NBPF10: variants seen among roughly 807,000 people sequenced by gnomAD.
The protein encoded by NBPF10 is NBPF family member NBPF10.
In NBPF10, 63 loss-of-function variants were observed where a neutral mutation model predicts 77.9. That is an observed-to-expected ratio of 0.81 (90% CI 0.66 to 1.00). NBPF10 has a LOEUF of 1.00. Among genes scored for constraint, NBPF10 ranks in the 50% least tolerant of loss-of-function variants. NBPF10 has a pLI of 0.00. For synonymous variants in NBPF10, 146 were observed against 264.5 expected, an observed-to-expected ratio of 0.55 and a Z score of 4.35; for missense variants, 522 against 679.8, an observed-to-expected ratio of 0.77 and a Z score of 2.58.
At chr1:146,140,796 A>T (rs1365458519) in intron 3 of NBPF10, among the ~76,000 whole-genome samples, 2 of 118,170 alleles carry the variant, frequency 1.7e-5, no homozygotes, top group African/African-American at 2.7e-5. Flanking sequence ...TTTGCTTCCC[A>T]TATCACTGGA....
At chr1:146,134,379 A>G in intron 8 of NBPF10, 114 bp from the exon 9 acceptor site, 2 of 828,024 alleles carry the variant, frequency 2.4e-6, no homozygotes, top group East Asian at 4.9e-5. Context: ...CGTTCAACTG[A>G]AAACTCTCAT....
At chr1:146,076,279 A>AGG (rs1656039001) in intron 77 of NBPF10, among the ~76,000 whole-genome samples, 1 of 11,820 alleles carries the variant, frequency 8.5e-5, no homozygotes, top group Non-Finnish European at 3.0e-4. Context: ...ACACACACAC[A>AGG]CACACACACA....
At chr1:146,067,836 C>G (rs1293422168) in intron 88 of NBPF10, among the ~76,000 whole-genome samples, 167 bp downstream of exon 88, 4 of 151,886 alleles carry the variant, frequency 2.6e-5, no homozygotes, top group Admixed American at 6.6e-5. Context: ...CATTTCATGT[C>G]TAGGCTTCCA....
At chr1:146,067,779 G>A (rs868976576) in intron 88 of NBPF10, among the ~76,000 whole-genome samples, 26 of 151,516 alleles carry the variant, frequency 1.7e-4, no homozygotes, top group Non-Finnish European at 2.5e-4. Flanking sequence ...GGATCAGGGC[G>A]CCACAGGTAT....
intron 88 of NBPF10, among the ~76,000 whole-genome samples, 151 bp downstream of exon 88, chr1:146,067,852 G>A (rs1655329505): frequency 6.6e-6 from 1 of 151,774 alleles, no homozygotes; most frequent in Non-Finnish European, 1.5e-5. Context: ...TTCCAGCTGA[G>A]ACTACAGTTT....
chr1:146,139,334 C>G (rs1244252545), intron 5 of NBPF10, among the ~76,000 whole-genome samples: 3 of 151,460 alleles, frequency 2.0e-5, no homozygotes, highest in African/African-American at 7.3e-5. Context: ...TGGTCTCAAT[C>G]TCCTGACCTC....
chr1:146,142,585 C>A lies in NBPF10; in HGVS notation c.278+65G>T. 4.8e-6 allele frequency: 4 copies of A among 828,714 alleles called. 2 individuals are homozygous for A. The highest frequency in any genetic ancestry group is 4.2e-5 in the Admixed American group (2 of 47,690). 51.3% of individuals were successfully genotyped at this position (828,714 alleles called of 1,614,324 possible). A position where few individuals can be genotyped will look rare whatever the true frequency, so the allele number is the denominator to read the frequency against. On this transcript the variant is annotated intron_variant, in intron 2 of 89. Transcript: ENST00000583866. ...CAGCTTCGTTCTTACTTCTCCCCGC[C>A]GAGCTGCTGTACTTCAGAGATCTAC...
intron 6 of NBPF10, among the ~76,000 whole-genome samples, chr1:146,137,635 C>G (rs1307920181): frequency 2.4e-4 from 31 of 131,694 alleles, no homozygotes; most frequent in African/African-American, 8.1e-4. Context: ...ATGATCTGCC[C>G]GCCTCAGCCT....
At chr1:146,076,238 GACACAC>G (rs1213507335) in intron 77 of NBPF10, among the ~76,000 whole-genome samples, 197 bp from the exon 78 acceptor site, 3 of 5,334 alleles carry the variant, frequency 5.6e-4, no homozygotes, top group East Asian at 6.2e-3. Flanking sequence ...AAGACAGATA[GACACAC>G]ACACACACAC....
exon 89 of NBPF10, chr1:146,067,236 C>G (rs1460314646): frequency 1.8e-6 from 1 of 559,308 alleles, no homozygotes; most frequent in East Asian, 3.1e-5. Context: ...TTCTTCTTTC[C>G]TTCTTTGATC....
chr1:146,067,801 A>T (rs1284403270), intron 88 of NBPF10, among the ~76,000 whole-genome samples: 3 of 151,872 alleles, frequency 2.0e-5, no homozygotes, highest in Non-Finnish European at 2.9e-5. Flanking sequence ...GCCTGAGACT[A>T]GGAAGAGAGT....
intron 12 of NBPF10, among the ~76,000 whole-genome samples, chr1:146,127,298 CT>C (rs1187072125): frequency 1.2e-5 from 1 of 85,154 alleles, no homozygotes; most frequent in Non-Finnish European, 2.3e-5. Context: ...GGAATGTTAT[CT>C]TCCCTATGTG....
intron 6 of NBPF10, among the ~76,000 whole-genome samples, chr1:146,136,862 T>C (rs370810833): frequency 0.084 from 8,685 of 103,982 alleles, no homozygotes; most frequent in African/African-American, 0.2. Context: ...GGACTGATGG[T>C]TTCCCTTTTA....
rs1237173773 is a variant in NBPF10, at chr1:146,129,906, T to G, written c.1638-1624A>C. On this transcript the variant is annotated intron_variant, in intron 11 of 89. Coordinates refer to ENST00000583866, the Ensembl canonical transcript of NBPF10. Reference sequence around the variant, plus strand: ...TTTTTTGTGTGTATGTATATATATATATATATTTTTTAATACTTTAAGTCT... The same window carrying G: ...TTTTTTGTGTGTATGTATATATATAGATATATTTTTTAATACTTTAAGTCT... Among the ~76,000 whole-genome samples the G allele has an allele frequency of 1.9e-5, 2 of 103,414 alleles. 1 individual carries two copies. The highest frequency in any genetic ancestry group is 3.9e-5 in the Non-Finnish European group (2 of 51,122). 67.8% of individuals were successfully genotyped at this position (103,414 alleles called of 152,430 possible).
At chr1:146,067,225 C>A (rs200743139) in exon 89 of NBPF10, 61,887 of 556,434 alleles carry the variant, frequency 0.11, 8,785 homozygotes, top group African/African-American at 0.48. Flanking sequence ...TTTTCTTCCC[C>A]TTCTTCTTTC....
chr1:146,129,366 A>G (rs1659056076), intron 11 of NBPF10, among the ~76,000 whole-genome samples: 1 of 139,682 alleles, frequency 7.2e-6, no homozygotes, highest in Non-Finnish European at 1.5e-5. Context: ...TTCAGTAGCC[A>G]ATTCGATCAA....
chr1:146,126,783 C>T (rs1256142846), intron 13 of NBPF10, among the ~76,000 whole-genome samples: 1 of 131,732 alleles, frequency 7.6e-6, no homozygotes, highest in Non-Finnish European at 1.6e-5. Flanking sequence ...AGTTTCCCGG[C>T]AGTTACCATG....
At position 146,126,159 on chromosome 1, in the gene NBPF10, C is replaced by T. The variant is rs79733473; in HGVS notation, c.2026+77G>A. ...GCAATGACATCTCTCAGCTCAGTAA[C>T]GGCCACTTGCAGTAGGAATATGACC... On this transcript the variant is annotated intron_variant, in intron 14 of 89. Transcript: ENST00000583866. 1.1e-5 allele frequency: 10 copies of T among 911,470 alleles called. 1 individual carries two copies. Among genetic ancestry groups the T allele is most frequent in the African/African-American group, 4.9e-5 (3 of 60,894 alleles). 56.5% of individuals were successfully genotyped at this position (911,470 alleles called of 1,614,324 possible). A position where few individuals can be genotyped will look rare whatever the true frequency, so the allele number is the denominator to read the frequency against.
At chr1:146,134,157 AC>A (rs1659471346) in intron 9 of NBPF10, 35 bp downstream of exon 9, 1 of 1,405,872 alleles carries the variant, frequency 7.1e-7, no homozygotes, top group African/African-American at 2.0e-5. Flanking sequence ...CTCATATGTT[AC>A]CATCCATTAA....
Sources: gnomAD v4.1 joint callset for allele counts (sites outside exome capture counted in the v4.1 genomes callset) on GRCh38, gnomAD v4.1.1 for gene constraint, MANE v1.5 for transcripts, NCBI Gene and HGNC (gene_info 2026-07-23, HGNC 2026-07-21) for gene names.